Variants in PRELID2 observed in about 807,000 individuals in gnomAD.
The protein encoded by PRELID2 is PRELI domain containing 2, also known as PRELI domain-containing protein 2.
PRELID2 carries 25 observed loss-of-function variants against 28.4 expected under a neutral mutation model. That is an observed-to-expected ratio of 0.88 (90% CI 0.64 to 1.23). The LOEUF is 1.23. PRELID2 is among the 50% of genes most tolerant of loss of function. The pLI, the probability that PRELID2 is intolerant of heterozygous loss-of-function variation, is 0.00. For synonymous variants in PRELID2, 76 were observed against 71.6 expected (o/e 1.06, Z -0.31); for missense variants, 201 against 214.4 (o/e 0.94, Z 0.39).
At position 145,548,945 on chromosome 5, in the gene PRELID2, G is replaced by GT. The variant is rs372672264; in HGVS notation, n.71-75631dup. Among the ~76,000 whole-genome samples, 1,174 of 152,230 alleles carry GT rather than the reference G, an allele frequency of 7.7e-3. 22 individuals are homozygous for GT. The highest frequency in any genetic ancestry group is 0.027 in the African/African-American group (1,125 of 41,520). On this transcript the variant is annotated intron_variant and non_coding_transcript_variant, in intron 1 of 2. Transcript: ENST00000510259. Reference sequence around the variant, plus strand: ...CACTCATTTGTACCCACCACCTCAAGTTCCATTTAATTCCTCAAAAACAAC... The same window carrying GT: ...CACTCATTTGTACCCACCACCTCAAGTTTCCATTTAATTCCTCAAAAACAAC...
intron 1 of PRELID2, among the ~76,000 whole-genome samples, chr5:145,514,138 C>G (rs1413489253): frequency 6.6e-6 from 1 of 152,060 alleles, no homozygotes; most frequent in Non-Finnish European, 1.5e-5. Context: ...CAAATTCACA[C>G]ATAACAATAT....
chr5:145,329,110 C>G, the PRELID2 span, among the ~76,000 whole-genome samples: 755 of 152,112 alleles, frequency 5.0e-3, 6 homozygotes, highest in African/African-American at 0.018. Flanking sequence ...ATTTCTGAAG[C>G]CTCTGTTCTG....
the PRELID2 span, among the ~76,000 whole-genome samples, chr5:145,335,409 G>C: frequency 6.6e-6 from 1 of 151,702 alleles, no homozygotes; most frequent in East Asian, 1.9e-4. Flanking sequence ...TCTTGCAGCT[G>C]ACTGTTTACT....
the PRELID2 span, among the ~76,000 whole-genome samples, chr5:145,445,824 T>C: frequency 7.9e-5 from 12 of 152,010 alleles, no homozygotes; most frequent in African/African-American, 2.9e-4. Context: ...GAGTATCATC[T>C]CCAGATAGAA....
chr5:145,726,096 G>A (rs533606279), intron 1 of PRELID2, among the ~76,000 whole-genome samples: 153 of 151,958 alleles, frequency 1.0e-3, no homozygotes, highest in African/African-American at 3.5e-3. Flanking sequence ...TTGAGCCCAC[G>A]AGATGGAGGT....
chr5:145,737,278 G>C (rs375811558), intron 1 of PRELID2, among the ~76,000 whole-genome samples: 11 of 152,170 alleles, frequency 7.2e-5, no homozygotes, highest in Middle Eastern at 3.4e-3. Context: ...AGACTCGTGT[G>C]CTGGCTCAGA....
the PRELID2 span, among the ~76,000 whole-genome samples, chr5:145,385,867 C>CTT: frequency 4.7e-4 from 71 of 152,134 alleles, no homozygotes; most frequent in African/African-American, 1.6e-3. Flanking sequence ...AACATATTTT[C>CTT]TTTCACTGAA....
intron 4 of PRELID2, among the ~76,000 whole-genome samples, chr5:145,809,974 G>A (rs1179226710): frequency 6.6e-6 from 1 of 152,126 alleles, no homozygotes; most frequent in Non-Finnish European, 1.5e-5. Context: ...AAGAGGAAAA[G>A]GGTAATAAAT....
At chr5:145,367,417 C>T in the PRELID2 span, among the ~76,000 whole-genome samples, 2 of 151,882 alleles carry the variant, frequency 1.3e-5, no homozygotes, top group Admixed American at 1.3e-4. Flanking sequence ...CCCACAACAG[C>T]TATTCATTTA....
chr5:145,543,606 T>C (rs1752762527), intron 1 of PRELID2, among the ~76,000 whole-genome samples: 1 of 152,128 alleles, frequency 6.6e-6, no homozygotes, highest in African/African-American at 2.4e-5. Context: ...AAACTTTCTT[T>C]CTCTGAAAGA....
intron 1 of PRELID2, among the ~76,000 whole-genome samples, chr5:145,662,311 A>T (rs1427401772): frequency 6.6e-6 from 1 of 152,152 alleles, no homozygotes; most frequent in East Asian, 1.9e-4. Flanking sequence ...ATAAGAGAAA[A>T]ACTGTCTCCC....
intron 1 of PRELID2, among the ~76,000 whole-genome samples, chr5:145,680,973 C>T (rs985958350): frequency 1.3e-5 from 2 of 152,254 alleles, no homozygotes; most frequent in South Asian, 2.1e-4. Flanking sequence ...GCTGGGAAGG[C>T]GCTGTGACTT....
At chr5:145,790,526 T>A (rs1752299758) in intron 5 of PRELID2, among the ~76,000 whole-genome samples, 1 of 151,956 alleles carries the variant, frequency 6.6e-6, no homozygotes, top group Non-Finnish European at 1.5e-5. Context: ...AAAGTTTCGG[T>A]TAGACAGGAG....
At chr5:145,580,299 G>T (rs1753096738) in intron 1 of PRELID2, among the ~76,000 whole-genome samples, 1 of 151,692 alleles carries the variant, frequency 6.6e-6, no homozygotes, top group Non-Finnish European at 1.5e-5. Flanking sequence ...GTAAACAGAA[G>T]CCACCCCCTA....
chr5:145,814,597 G>T (rs1345119247), intron 4 of PRELID2, among the ~76,000 whole-genome samples: 1 of 152,036 alleles, frequency 6.6e-6, no homozygotes, highest in Non-Finnish European at 1.5e-5. Context: ...CAAGGGTTTG[G>T]GCTTAAGAAT....
At chr5:145,381,819 A>T in the PRELID2 span, 36,550 of 151,966 alleles carry the variant, frequency 0.24, 4,651 homozygotes, top group South Asian at 0.34. Flanking sequence ...AGAGGAGCAT[A>T]ACAGAACATA....
At chr5:145,422,444 T>C in the PRELID2 span, among the ~76,000 whole-genome samples, 1 of 152,240 alleles carries the variant, frequency 6.6e-6, no homozygotes, top group Admixed American at 6.5e-5. Context: ...ATTTTTAGGA[T>C]AGTTAGCTCT....
At chr5:145,798,713 G>A (rs1367127007) in intron 4 of PRELID2, among the ~76,000 whole-genome samples, 2 of 152,166 alleles carry the variant, frequency 1.3e-5, no homozygotes, top group African/African-American at 2.4e-5. Context: ...ATTAGTTCAT[G>A]TCCTTTGCAG....
the PRELID2 span, among the ~76,000 whole-genome samples, chr5:145,372,973 AAT>A: frequency 2.6e-5 from 3 of 113,666 alleles, no homozygotes; most frequent in African/African-American, 6.8e-5. Context: ...CAACATATAT[AAT>A]ATATATGATA....
Sources: allele counts gnomAD v4.1 joint callset (sites outside exome capture counted in the v4.1 genomes callset), GRCh38; gene constraint gnomAD v4.1.1; transcripts MANE v1.5; gene names NCBI Gene and HGNC (gene_info 2026-07-23, HGNC 2026-07-21).